GPC3: variants seen among roughly 807,000 people sequenced by gnomAD.
GPC3 encodes the protein glypican-3.
Under a neutral mutation model 34.4 loss-of-function variants are expected in GPC3, and 3 were observed. The ratio of observed to expected loss-of-function variants is 0.09; its 90% CI spans 0.04 to 0.23. The LOEUF (loss-of-function observed/expected upper bound fraction) is 0.23. GPC3 is among the 10% of genes least tolerant of loss of function. The probability of loss-of-function intolerance (pLI) is 1.00; values close to 1 mark genes in which losing one functional copy is unlikely to be tolerated. For missense variants in GPC3, 351 were observed against 445.6 expected, an observed-to-expected ratio of 0.79 and a Z score of 1.91; for synonymous variants, 177 against 174.0, an observed-to-expected ratio of 1.02 and a Z score of -0.13.
chrX:133,618,700 CAA>C (rs199558969), intron 6 of GPC3, among the ~76,000 whole-genome samples: 664 of 41,429 alleles, frequency 0.016, 7 homozygotes, highest in African/African-American at 0.045. Context: ...GACACTGTAT[CAA>C]AAAAAAAAAA....
intron 7 of GPC3, among the ~76,000 whole-genome samples, chrX:133,550,274 T>TA (rs2069423370): frequency 9.0e-6 from 1 of 110,662 alleles, no homozygotes; most frequent in African/African-American, 3.3e-5. Context: ...CTCGGCCTCC[T>TA]AAAGTGCTGG....
At chrX:133,920,573 T>G (rs1603272809) in intron 2 of GPC3, among the ~76,000 whole-genome samples, 1 of 111,602 alleles carries the variant, frequency 9.0e-6, no homozygotes, top group African/African-American at 3.3e-5. Flanking sequence ...GGTGAGCTTT[T>G]ATTGGAATAT....
At chrX:133,811,351 C>A (rs1310924609) in intron 2 of GPC3, among the ~76,000 whole-genome samples, 3 of 111,907 alleles carry the variant, frequency 2.7e-5, no homozygotes, top group Middle Eastern at 4.6e-3. Flanking sequence ...AGTAGGGGAG[C>A]ACATAGTTGA....
At chrX:133,846,346 C>T (rs1048192663) in intron 2 of GPC3, among the ~76,000 whole-genome samples, 14 of 111,895 alleles carry the variant, frequency 1.3e-4, no homozygotes, top group African/African-American at 4.5e-4. Context: ...CACTGGACCT[C>T]GAAAACATAA....
At chrX:133,549,913 T>C (rs1350923575) in intron 7 of GPC3, among the ~76,000 whole-genome samples, 2 of 102,984 alleles carry the variant, frequency 1.9e-5, no homozygotes, top group Admixed American at 1.1e-4. Flanking sequence ...TCCTTTTCTC[T>C]CTCTCTCCCT....
intron 2 of GPC3, among the ~76,000 whole-genome samples, chrX:133,829,304 C>T (rs2075764566): frequency 9.0e-6 from 1 of 111,597 alleles, no homozygotes; most frequent in African/African-American, 3.3e-5. Flanking sequence ...GATAACAGAG[C>T]CCCAAAATAC....
At chrX:133,796,160 T>C in intron 2 of GPC3, among the ~76,000 whole-genome samples, 1 of 110,058 alleles carries the variant, frequency 9.1e-6, no homozygotes, top group African/African-American at 3.3e-5. Context: ...TTAGCCAGGA[T>C]GGTCTCAATC....
chrX:133,667,675 G>T (rs2070781232), intron 5 of GPC3, among the ~76,000 whole-genome samples: 1 of 109,671 alleles, frequency 9.1e-6, no homozygotes, highest in Admixed American at 9.7e-5. Context: ...ACATGGTGAA[G>T]CCTCATCTCC....
intron 2 of GPC3, among the ~76,000 whole-genome samples, chrX:133,881,215 G>A (rs1331633438): frequency 9.0e-6 from 1 of 111,712 alleles, no homozygotes. Flanking sequence ...ATCCTCATCA[G>A]TATTATGTGC....
intron 4 of GPC3, among the ~76,000 whole-genome samples, chrX:133,697,266 A>C (rs186565862): frequency 1.8e-5 from 2 of 112,270 alleles, no homozygotes; most frequent in Non-Finnish European, 1.9e-5. Context: ...CAATGCAAAA[A>C]AGTACCTAAA....
chrX:133,643,062 T>A (rs1327492427), intron 6 of GPC3, among the ~76,000 whole-genome samples: 4 of 112,136 alleles, frequency 3.6e-5, no homozygotes, highest in Non-Finnish European at 7.5e-5. Context: ...AGAATCATAC[T>A]GGGTTATTCT....
intron 3 of GPC3, among the ~76,000 whole-genome samples, chrX:133,735,003 T>C (rs183859383): frequency 8.9e-6 from 1 of 112,083 alleles, no homozygotes; most frequent in East Asian, 2.8e-4. Context: ...AAGACATTAA[T>C]ATATTAGAAG....
chrX:133,562,061 C>T (rs1170682293), intron 7 of GPC3, among the ~76,000 whole-genome samples: 1 of 112,223 alleles, frequency 8.9e-6, no homozygotes, highest in Non-Finnish European at 1.9e-5. Context: ...ACATAGAAGG[C>T]TTTCAAGCCA....
At chrX:133,948,988 A>G (rs2076381289) in intron 2 of GPC3, among the ~76,000 whole-genome samples, 2 of 112,312 alleles carry the variant, frequency 1.8e-5, no homozygotes, top group Non-Finnish European at 3.8e-5. Context: ...GGTGTTTTAC[A>G]GTTTTCAAGA....
intron 5 of GPC3, among the ~76,000 whole-genome samples, chrX:133,680,288 T>TGGG (rs2070927766): frequency 1.8e-5 from 2 of 112,015 alleles, no homozygotes; most frequent in South Asian, 7.5e-4. Context: ...GCTGTATCCC[T>TGGG]ACCCCAGGTG....
intron 2 of GPC3, among the ~76,000 whole-genome samples, chrX:133,838,148 C>A (rs997544395): frequency 8.9e-6 from 1 of 112,517 alleles, no homozygotes; most frequent in Non-Finnish European, 1.9e-5. Flanking sequence ...TCAAAATATG[C>A]CATTTTAATA....
chrX:133,768,394 T>C (rs941948463), intron 2 of GPC3, among the ~76,000 whole-genome samples: 1 of 111,353 alleles, frequency 9.0e-6, no homozygotes, highest in Non-Finnish European at 1.9e-5. Context: ...AAGAAAATTA[T>C]TGTCATGTAT....
At chrX:133,895,598 GA>G (rs2076107905) in intron 2 of GPC3, among the ~76,000 whole-genome samples, 1 of 111,514 alleles carries the variant, frequency 9.0e-6, no homozygotes, top group African/African-American at 3.3e-5. Context: ...GAAGAAAAAG[GA>G]ATGCATTAGG....
chrX:133,872,117 CTTT>C (rs2075996225), intron 2 of GPC3, among the ~76,000 whole-genome samples: 1 of 111,620 alleles, frequency 9.0e-6, no homozygotes, highest in East Asian at 2.8e-4. Flanking sequence ...CACCAGTTAC[CTTT>C]TATGTTAAAT....
Sources: allele counts gnomAD v4.1 joint callset (sites outside exome capture counted in the v4.1 genomes callset), GRCh38; gene constraint gnomAD v4.1.1; transcripts MANE v1.5; gene names NCBI Gene and HGNC (gene_info 2026-07-23, HGNC 2026-07-21).